SGK3: variants seen among roughly 807,000 people sequenced by gnomAD.
SGK3 encodes the protein serine/threonine-protein kinase Sgk3.
SGK3 carries 47 observed loss-of-function variants against 68.5 expected under a neutral mutation model. The ratio of observed to expected loss-of-function variants is 0.69; its 90% CI spans 0.54 to 0.87. The LOEUF (loss-of-function observed/expected upper bound fraction) is 0.87. SGK3 is among the 40% of genes least tolerant of loss of function. SGK3 has a pLI of 0.00. For missense variants in SGK3, 479 were observed against 575.5 expected (o/e 0.83, Z 1.72); for synonymous variants, 181 against 189.1 (o/e 0.96, Z 0.35).
intron 1 of SGK3, among the ~76,000 whole-genome samples, chr8:66,771,997 A>G (rs1293492137): frequency 6.7e-6 from 1 of 149,156 alleles, no homozygotes; most frequent in Non-Finnish European, 1.5e-5. Context: ...GTATCATAAT[A>G]TTTCAGATAA....
chr8:66,849,475 C>T (rs1055438127), intron 15 of SGK3, among the ~76,000 whole-genome samples: 7 of 152,150 alleles, frequency 4.6e-5, no homozygotes, highest in African/African-American at 1.7e-4. Flanking sequence ...ACTGCTACTA[C>T]TCTTGTCCTA....
intron 14 of SGK3, 76 bp from the exon 15 acceptor site, chr8:66,847,117 A>G (rs1810062807): frequency 1.3e-6 from 2 of 1,552,066 alleles, no homozygotes; most frequent in Non-Finnish European, 1.7e-6. Flanking sequence ...TGCTCCCTCA[A>G]GATTAAAGCC....
chr8:66,745,967 T>C (rs1805644256), intron 1 of SGK3, among the ~76,000 whole-genome samples: 1 of 152,164 alleles, frequency 6.6e-6, no homozygotes, highest in East Asian at 1.9e-4. Context: ...GGGGATTAAG[T>C]TTCAACTTGA....
intron 1 of SGK3, among the ~76,000 whole-genome samples, chr8:66,751,953 TG>T (rs1244604176): frequency 6.6e-6 from 1 of 151,908 alleles, no homozygotes; most frequent in East Asian, 1.9e-4. Flanking sequence ...TTAGTAGAGA[TG>T]GGGTTTCTCC....
intron 1 of SGK3, chr8:66,767,932 T>C (rs751391595): frequency 9.8e-7 from 1 of 1,022,300 alleles, no homozygotes; most frequent in Non-Finnish European, 1.6e-6. Flanking sequence ...AGACCCCAGC[T>C]TCAGCCCATC....
chr8:66,775,904 TAA>T (rs1041408299), intron 1 of SGK3, among the ~76,000 whole-genome samples: 5 of 152,224 alleles, frequency 3.3e-5, no homozygotes, highest in African/African-American at 1.2e-4. Context: ...GCAATTTGCC[TAA>T]CTTTTCTATG....
chr8:66,733,384 T>G (rs1029796266), intron 1 of SGK3, among the ~76,000 whole-genome samples: 3 of 152,198 alleles, frequency 2.0e-5, no homozygotes, highest in Non-Finnish European at 4.4e-5. Flanking sequence ...TCCATTTTGA[T>G]CATGTGGCAG....
intron 1 of SGK3, among the ~76,000 whole-genome samples, chr8:66,769,390 A>C (rs532022313): frequency 6.6e-6 from 1 of 152,180 alleles, no homozygotes; most frequent in East Asian, 1.9e-4. Flanking sequence ...TGCCCAGCTA[A>C]TTTTTGTATT....
intron 3 of SGK3, among the ~76,000 whole-genome samples, chr8:66,799,584 A>C (rs1351192761): frequency 2.6e-5 from 4 of 152,230 alleles, no homozygotes; most frequent in Non-Finnish European, 5.9e-5. Flanking sequence ...TGCTTCAGTT[A>C]AGAACAAAAG....
intron 1 of SGK3, among the ~76,000 whole-genome samples, chr8:66,727,285 C>A (rs2130355887): frequency 6.6e-6 from 1 of 152,110 alleles, no homozygotes; most frequent in East Asian, 1.9e-4. Flanking sequence ...TTTGTAGACA[C>A]AGGGTTTTGC....
intron 5 of SGK3, among the ~76,000 whole-genome samples, chr8:66,816,804 A>C (rs1005061712): frequency 2.6e-5 from 4 of 152,046 alleles, no homozygotes; most frequent in Non-Finnish European, 5.9e-5. Flanking sequence ...TATACCTGTT[A>C]TTACTGTTAA....
chr8:66,825,998 G>A (rs1371499060), intron 6 of SGK3, among the ~76,000 whole-genome samples: 1 of 150,468 alleles, frequency 6.6e-6, no homozygotes, highest in African/African-American at 2.4e-5. Flanking sequence ...TTTTTGAGAT[G>A]GAATCTCTCT....
At position 66,861,737 on chromosome 8, in the gene SGK3, A is replaced by G. The variant is rs1436138738; in HGVS notation, c.*2156A>G. 6.6e-6 allele frequency: 1 copy of G among 152,174 alleles called. No homozygotes were observed. The highest frequency in any genetic ancestry group is 1.9e-4 in the East Asian group (1 of 5,200). 9.4% of individuals were successfully genotyped at this position (152,174 alleles called of 1,614,324 possible). A position where few individuals can be genotyped will look rare whatever the true frequency, so the allele number is the denominator to read the frequency against. ...TATTAATAATATTTACATCCAATAC[A>G]CTGAATCTTCCTTTAGAGGTAAGAC... is the stretch of plus-strand genomic sequence containing the variant. On this transcript the variant is annotated 3_prime_UTR_variant, in exon 17 of 17. Coordinates refer to ENST00000521198, the MANE Select transcript of SGK3 (RefSeq NM_001033578.3).
chr8:66,729,442 C>T (rs199901201), intron 1 of SGK3, among the ~76,000 whole-genome samples: 5 of 150,954 alleles, frequency 3.3e-5, no homozygotes, highest in Admixed American at 6.6e-5. Flanking sequence ...GGCGACAGAG[C>T]GAGACTCCAT....
At chr8:66,730,279 G>T (rs79621751) in intron 1 of SGK3, among the ~76,000 whole-genome samples, 19,999 of 152,002 alleles carry the variant, frequency 0.13, 2,510 homozygotes, top group African/African-American at 0.33. Context: ...TGTCTATTCA[G>T]ATTCTTTCCT....
At chr8:66,835,733 A>G (rs766435199) in intron 8 of SGK3, 30 bp from the exon 9 acceptor site, 95 of 1,581,260 alleles carry the variant, frequency 6.0e-5, no homozygotes, top group Non-Finnish European at 7.8e-5. Context: ...GAAATTTCTA[A>G]TAGTATACAC....
intron 16 of SGK3, among the ~76,000 whole-genome samples, chr8:66,854,829 G>C (rs766465468): frequency 3.8e-4 from 58 of 152,196 alleles, no homozygotes; most frequent in East Asian, 5.8e-4. Context: ...GCATTGCCTT[G>C]GTTCCCAAAC....
At chr8:66,837,828 T>G (rs1292587622) in intron 10 of SGK3, among the ~76,000 whole-genome samples, 1 of 152,124 alleles carries the variant, frequency 6.6e-6, no homozygotes, top group Non-Finnish European at 1.5e-5. Flanking sequence ...GAGGCAAGAT[T>G]ATCCATCTCT....
chr8:66,715,201 G>A (rs1483905450), intron 1 of SGK3, among the ~76,000 whole-genome samples: 1 of 152,052 alleles, frequency 6.6e-6, no homozygotes, highest in East Asian at 1.9e-4. Flanking sequence ...AGTTTTGAGA[G>A]TTTAGAACGG....
Sources: allele counts gnomAD v4.1 joint callset (sites outside exome capture counted in the v4.1 genomes callset), GRCh38; gene constraint gnomAD v4.1.1; transcripts MANE v1.5; gene names NCBI Gene and HGNC (gene_info 2026-07-23, HGNC 2026-07-21).